SLC25A26: variants seen among roughly 807,000 people sequenced by gnomAD.
SLC25A26 encodes solute carrier family 25 member 26.
Under a neutral mutation model 37.8 loss-of-function variants are expected in SLC25A26, and 36 were observed. The ratio of observed to expected loss-of-function variants is 0.95; its 90% CI spans 0.73 to 1.26. The LOEUF is 1.26. Among genes scored for constraint, SLC25A26 ranks in the 50% most tolerant of loss-of-function variants. The pLI is 0.00. For synonymous variants in SLC25A26, 129 were observed against 122.5 expected, an observed-to-expected ratio of 1.05 and a Z score of -0.35; for missense variants, 390 against 331.1, an observed-to-expected ratio of 1.18 and a Z score of -1.38.
At chr3:66,246,899 TCGCCCATG>T (rs1233149545) in intron 3 of SLC25A26, among the ~76,000 whole-genome samples, 6 of 152,200 alleles carry the variant, frequency 3.9e-5, no homozygotes, top group Non-Finnish European at 7.3e-5. Flanking sequence ...TCTTGCTCTT[TCGCCCATG>T]CTGGAGTGCA....
intron 5 of SLC25A26, among the ~76,000 whole-genome samples, chr3:66,289,462 CG>C (rs2074629818): frequency 6.6e-6 from 1 of 152,092 alleles, no homozygotes; most frequent in Non-Finnish European, 1.5e-5. Context: ...TTAGGTCTAA[CG>C]TTTAAGTCTT....
At chr3:66,161,364 A>G (rs1178670440) in intron 1 of SLC25A26, among the ~76,000 whole-genome samples, 5 of 152,112 alleles carry the variant, frequency 3.3e-5, no homozygotes, top group Non-Finnish European at 4.4e-5. Flanking sequence ...TATGTAAAGA[A>G]TCTTCTTCCT....
chr3:66,310,489 C>T lies in SLC25A26; in HGVS notation c.454-35875C>T, dbSNP rs538426963. Among the ~76,000 whole-genome samples the T allele has an allele frequency of 2.0e-5, 3 of 152,264 alleles. No homozygotes were observed. The South Asian group carries it at 6.2e-4, about 32-fold the overall frequency. On this transcript the variant is annotated intron_variant, in intron 5 of 9. Transcript: ENST00000354883. ...GTTTCTTTTAACTGGGGCATCTAGC[C>T]CATTTACATTTAAGGTTAATATTGT...
At chr3:66,220,866 A>C, upstream of SLC25A26, 1 of 581,996 alleles carries the variant, frequency 1.7e-6, no homozygotes, top group Admixed American at 3.4e-5. Context: ...GAGGTAAGGG[A>C]TTTGCCGAGA....
intron 5 of SLC25A26, among the ~76,000 whole-genome samples, chr3:66,270,925 G>T (rs1223069659): frequency 6.6e-6 from 1 of 152,054 alleles, no homozygotes; most frequent in Non-Finnish European, 1.5e-5. Context: ...TTTCATTTAC[G>T]CTGTGAAGTG....
In SLC25A26 at chr3:66,343,350, A is replaced by G. The variant is rs553970428; in HGVS notation, c.454-3014A>G. On this transcript the variant is annotated intron_variant, in intron 5 of 9. Transcript: ENST00000354883. ...CACAGGAATTTATGAGGGCTATTTC[A>G]CTACTAGAAGTCAGAAGCAAATTTA... Among the ~76,000 whole-genome samples, 8 of 152,342 alleles carry G rather than the reference A, an allele frequency of 5.3e-5. No homozygotes were observed. The South Asian group carries it at 1.7e-3, about 32-fold the overall frequency.
chr3:66,213,166 G>C (rs1008049703), intron 1 of SLC25A26, among the ~76,000 whole-genome samples: 17 of 152,132 alleles, frequency 1.1e-4, no homozygotes, highest in African/African-American at 4.1e-4. Flanking sequence ...TTGGGAGGCC[G>C]AGGTGGGTGG....
intron 1 of SLC25A26, among the ~76,000 whole-genome samples, chr3:66,138,769 G>C (rs888832171): frequency 6.6e-6 from 1 of 152,168 alleles, no homozygotes; most frequent in Admixed American, 6.5e-5. Context: ...TCCTGGATAC[G>C]GGCATCGGTT....
At chr3:66,198,039 G>T (rs897526050) in intron 1 of SLC25A26, among the ~76,000 whole-genome samples, 7 of 151,976 alleles carry the variant, frequency 4.6e-5, no homozygotes, top group African/African-American at 1.7e-4. Context: ...TGATAGTCAG[G>T]GTCAGCGTCA....
Position 66,236,690 on chromosome 3 carries a change from C to G in SLC25A26, c.180C>G (p.Ser60=). ...YAGVPSAAIG[S]FPNAAAFFIT... ...GCGTTCCTTCTGCTGCTATTGGATC[C>G]TTTCCTAATGGTAAAAAATTATATT... Residue 60 remains serine (S), a synonymous_variant, in exon 2 of 10, where the codon TCC becomes TCG. Transcript: ENST00000354883. The G allele has an allele frequency of 1.3e-6, 2 of 1,512,596 alleles. No individual in the cohort carries two copies. Among genetic ancestry groups the G allele is most frequent in the South Asian group, 2.5e-5 (2 of 81,382 alleles). 93.7% of individuals were successfully genotyped at this position (1,512,596 alleles called of 1,614,324 possible).
chr3:66,260,263 C>A (rs2073472942), intron 3 of SLC25A26, among the ~76,000 whole-genome samples: 1 of 152,100 alleles, frequency 6.6e-6, no homozygotes, highest in Non-Finnish European at 1.5e-5. Context: ...GAAGCCAGGG[C>A]ATCATCTTAG....
At position 66,346,369 on chromosome 3, in the gene SLC25A26, T is replaced by A; in HGVS notation, c.459T>A (p.Pro153=). 1 of 1,487,354 alleles carries A rather than the reference T, an allele frequency of 6.7e-7. No individual in the cohort carries two copies. The highest frequency in any genetic ancestry group is 9.0e-7 in the Non-Finnish European group (1 of 1,112,264). 92.1% of individuals were successfully genotyped at this position (1,487,354 alleles called of 1,614,324 possible). The stretch of plus-strand genomic sequence containing the variant: ...TTTTTTTTTTCTCTCTTCAGATTCC[T>A]TTTTCTTTGGTCCAGTTTCCCTTAT... ...GYKSTVLREI[P]FSLVQFPLWE... Residue 153 remains proline (P), a synonymous_variant, in exon 6 of 10, where the codon CCT becomes CCA. Transcript: ENST00000354883.
chr3:66,369,352 T>A (rs924937937), intron 7 of SLC25A26, 126 bp from the exon 8 acceptor site: 10 of 744,202 alleles, frequency 1.3e-5, no homozygotes, highest in Non-Finnish European at 2.1e-5. Context: ...CATGTGTGCA[T>A]CCTGTTCTTC....
intron 6 of SLC25A26, among the ~76,000 whole-genome samples, chr3:66,350,515 CTCT>C (rs1344518072): frequency 6.6e-6 from 1 of 152,184 alleles, no homozygotes; most frequent in Non-Finnish European, 1.5e-5. Context: ...CTAATAGGCT[CTCT>C]TCTTATCCAT....
At chr3:66,154,056 A>G (rs1404696507) in intron 1 of SLC25A26, among the ~76,000 whole-genome samples, 2 of 152,128 alleles carry the variant, frequency 1.3e-5, no homozygotes, top group Non-Finnish European at 2.9e-5. Context: ...TTCTGGTCTG[A>G]GCGTCTGGGA....
At chr3:66,232,264 G>C (rs2072069779) in intron 1 of SLC25A26, among the ~76,000 whole-genome samples, 1 of 151,812 alleles carries the variant, frequency 6.6e-6, no homozygotes. Context: ...GTTTTTATTT[G>C]ATAATGACAG....
chr3:66,369,526 G>C lies in SLC25A26; in HGVS notation c.617G>C (p.Arg206Thr), dbSNP rs1700237611. 1 of 1,601,434 alleles carries C rather than the reference G, an allele frequency of 6.2e-7. No homozygotes were observed. The highest frequency in any genetic ancestry group is 1.3e-5 in the African/African-American group (1 of 74,792). ...VTTPLDVAKT[R>T]ITLAKAGSST... is the part of the protein sequence containing the mutation. Reference sequence around the variant, plus strand: ...ACCCCTCTAGACGTGGCAAAGACAAGAATTACGCTGGCAAAGGTAAGTGGT... The same window carrying C: ...ACCCCTCTAGACGTGGCAAAGACAACAATTACGCTGGCAAAGGTAAGTGGT... Residue 206 changes from arginine to threonine, a missense_variant, in exon 8 of 10, where the codon AGA becomes ACA. Physicochemically the swap from Arg to Thr is moderately conservative, Grantham distance 71. Transcript: ENST00000354883.
intron 3 of SLC25A26, among the ~76,000 whole-genome samples, chr3:66,260,789 A>ATAT (rs1389320890): frequency 4.6e-5 from 7 of 152,194 alleles, no homozygotes. Context: ...TAATTTATAT[A>ATAT]TTATTATGTA....
At chr3:66,297,632 G>A (rs1326285136) in intron 5 of SLC25A26, among the ~76,000 whole-genome samples, 1 of 152,134 alleles carries the variant, frequency 6.6e-6, no homozygotes, top group Non-Finnish European at 1.5e-5. Flanking sequence ...TATGACCTGT[G>A]GGCCTAATCC....
Sources: allele counts gnomAD v4.1 joint callset (sites outside exome capture counted in the v4.1 genomes callset), GRCh38; gene constraint gnomAD v4.1.1; transcripts MANE v1.5; gene names NCBI Gene and HGNC (gene_info 2026-07-23, HGNC 2026-07-21).